The following RHOU variants were observed in gnomAD, a reference collection of about 807,000 sequenced individuals.
RHOU encodes the protein rho-related GTP-binding protein RhoU.
RHOU carries 8 observed loss-of-function variants against 12.6 expected under a neutral mutation model. The ratio of observed to expected loss-of-function variants is 0.64; its 90% CI spans 0.37 to 1.15. The LOEUF is 1.15. Among genes scored for constraint, RHOU ranks in the 50% most tolerant of loss-of-function variants. The pLI is 0.01. For synonymous variants in RHOU, 161 were observed against 147.4 expected (o/e 1.09, Z -0.67); for missense variants, 258 against 347.0 (o/e 0.74, Z 2.04).
At chr1:228,653,826 A>G in the RHOU span, among the ~76,000 whole-genome samples, 1 of 152,238 alleles carries the variant, frequency 6.6e-6, no homozygotes, top group Non-Finnish European at 1.5e-5. Flanking sequence ...GCAAATGATT[A>G]GGCGAAATTT....
At chr1:228,708,352 AT>A in the RHOU span, among the ~76,000 whole-genome samples, 1 of 151,778 alleles carries the variant, frequency 6.6e-6, no homozygotes, top group Non-Finnish European at 1.5e-5. Context: ...AAGACACATA[AT>A]TGTCAGATTC....
chr1:228,718,189 T>C, the RHOU span, among the ~76,000 whole-genome samples: 1 of 152,148 alleles, frequency 6.6e-6, no homozygotes. Context: ...GATGCATCCA[T>C]TGCTTTCCAG....
the RHOU span, among the ~76,000 whole-genome samples, chr1:228,693,555 C>T: frequency 6.6e-5 from 10 of 152,182 alleles, no homozygotes; most frequent in African/African-American, 1.7e-4. Context: ...CAACCTCTGC[C>T]TCCCGGGTTC....
At chr1:228,707,186 TATATATATAC>T in the RHOU span, among the ~76,000 whole-genome samples, 12,248 of 104,048 alleles carry the variant, frequency 0.12, 1,261 homozygotes, top group African/African-American at 0.25. Flanking sequence ...TAACAAAATA[TATATATATAC>T]ATATATATAC....
chr1:228,711,498 A>T, the RHOU span, among the ~76,000 whole-genome samples: 1 of 152,092 alleles, frequency 6.6e-6, no homozygotes, highest in African/African-American at 2.4e-5. Context: ...CCTCAGAAAT[A>T]ACGCCGCATA....
At chr1:228,674,347 T>C in the RHOU span, among the ~76,000 whole-genome samples, 4 of 118,952 alleles carry the variant, frequency 3.4e-5, no homozygotes, top group Admixed American at 8.0e-5. Flanking sequence ...GTTTAGTACC[T>C]TTTTTTTTTT....
chr1:228,678,327 G>T, the RHOU span, among the ~76,000 whole-genome samples: 1 of 152,204 alleles, frequency 6.6e-6, no homozygotes. Context: ...CATTTGCCTT[G>T]TGTGGGAAGA....
In RHOU at chr1:228,737,794, A is replaced by G. The variant is rs1662638517; in HGVS notation, c.321+63A>G. 1 of 1,537,966 alleles carries G rather than the reference A, an allele frequency of 6.5e-7. No homozygotes were observed. Among genetic ancestry groups the G allele is most frequent in the African/African-American group, 1.4e-5 (1 of 73,374 alleles). ...ACAGCCTTTTAAAGATTTCCAAATA[A>G]CCTTTGATTCCCTCAGTCAGTAACT... is the stretch of plus-strand genomic sequence containing the variant. On this transcript the variant is annotated intron_variant, in intron 2 of 2. Transcript: ENST00000366691. The surrounding 1 kb of genome is among the most constrained non-coding windows in gnomAD (Gnocchi z 4.1).
At chr1:228,658,286 CA>C in the RHOU span, among the ~76,000 whole-genome samples, 33,291 of 93,962 alleles carry the variant, frequency 0.35, 3,370 homozygotes, top group South Asian at 0.44. Flanking sequence ...GACCCTGTCT[CA>C]AAAAAAAAAA....
chr1:228,691,534 G>A, the RHOU span, among the ~76,000 whole-genome samples: 2 of 151,734 alleles, frequency 1.3e-5, no homozygotes, highest in South Asian at 4.2e-4. Flanking sequence ...TTTCAGATTG[G>A]CTTCTTTCAT....
the RHOU span, among the ~76,000 whole-genome samples, chr1:228,711,132 A>T: frequency 3.4e-5 from 5 of 148,044 alleles, no homozygotes; most frequent in African/African-American, 1.3e-4. Context: ...AGGAGAACTA[A>T]AAACCACTGC....
In RHOU at chr1:228,736,277, A is replaced by G. The variant is rs1662610269; in HGVS notation, c.262+273A>G. ...AGCCTTGCCAAAAAAAAAAAAAAAA[A>G]AAATCTCACAATTTAAGCAACAGAT... On this transcript the variant is annotated intron_variant, in intron 1 of 2. Coordinates refer to ENST00000366691, the MANE Select transcript of RHOU (RefSeq NM_021205.6). Among the ~76,000 whole-genome samples the G allele has an allele frequency of 1.3e-5, 2 of 151,900 alleles. 1 individual carries two copies. Among genetic ancestry groups the G allele is most frequent in the Non-Finnish European group, 2.9e-5 (2 of 67,948 alleles).
the RHOU span, chr1:228,651,217 G>C: frequency 4.7e-6 from 1 of 210,536 alleles, no homozygotes; most frequent in Non-Finnish European, 1.0e-5. Context: ...CCTACCAGGG[G>C]GAGGCAGCAG....
At chr1:228,647,153 G>C in the RHOU span, among the ~76,000 whole-genome samples, 1 of 152,220 alleles carries the variant, frequency 6.6e-6, no homozygotes, top group Non-Finnish European at 1.5e-5. Context: ...AGCTGTGCCT[G>C]AGCAGGGCGG....
At chr1:228,658,551 A>C in the RHOU span, among the ~76,000 whole-genome samples, 28 of 152,236 alleles carry the variant, frequency 1.8e-4, no homozygotes, top group Non-Finnish European at 1.3e-4. Context: ...CCCAGCCTTT[A>C]GAACTGAGAG....
At chr1:228,653,369 G>C in the RHOU span, among the ~76,000 whole-genome samples, 3 of 152,154 alleles carry the variant, frequency 2.0e-5, no homozygotes, top group Non-Finnish European at 4.4e-5. Context: ...GTCCAGGCTG[G>C]AGTGCAGTGG....
chr1:228,731,838 T>G (rs1662503167), upstream of RHOU, among the ~76,000 whole-genome samples: 1 of 151,976 alleles, frequency 6.6e-6, no homozygotes, highest in East Asian at 1.9e-4. Context: ...AGAGACAAGA[T>G]CTTAAGAACG....
At chr1:228,695,181 G>A in the RHOU span, among the ~76,000 whole-genome samples, 88 of 152,190 alleles carry the variant, frequency 5.8e-4, no homozygotes, top group African/African-American at 2.1e-3. Context: ...TGTTGCCCAG[G>A]TTGGTCTCAA....
At chr1:228,708,758 C>G in the RHOU span, among the ~76,000 whole-genome samples, 1 of 151,700 alleles carries the variant, frequency 6.6e-6, no homozygotes. Context: ...AACTAACAAG[C>G]AAAACAACCA....
Sources: gnomAD v4.1 joint callset for allele counts (sites outside exome capture counted in the v4.1 genomes callset) on GRCh38, gnomAD v4.1.1 for gene constraint, Gnocchi (gnomAD v3.1) non-coding constraint, MANE v1.5 for transcripts, NCBI Gene and HGNC (gene_info 2026-07-23, HGNC 2026-07-21) for gene names.